Variants in TAB1 observed in about 807,000 individuals in gnomAD.
TAB1 encodes TGF-beta-activated kinase 1 and MAP3K7-binding protein 1.
In TAB1, 30 loss-of-function variants were observed where a neutral mutation model predicts 54.5. The ratio of observed to expected loss-of-function variants is 0.55; its 90% CI spans 0.41 to 0.75. The LOEUF (loss-of-function observed/expected upper bound fraction) is 0.75, where lower values mean the gene tolerates loss of function less well. TAB1 is among the 30% of genes least tolerant of loss of function. The pLI is 0.00. For synonymous variants in TAB1, 289 were observed against 286.9 expected, an observed-to-expected ratio of 1.01 and a Z score of -0.07; for missense variants, 609 against 683.2, an observed-to-expected ratio of 0.89 and a Z score of 1.21.
chr22:39,428,775 G>A (rs1440738416), intron 10 of TAB1, among the ~76,000 whole-genome samples: 2 of 152,228 alleles, frequency 1.3e-5, no homozygotes, highest in African/African-American at 4.8e-5. Context: ...GAATGATAGA[G>A]ATGCCACACC....
chr22:39,429,645 A>AT (rs977680559), intron 10 of TAB1, among the ~76,000 whole-genome samples: 2 of 151,600 alleles, frequency 1.3e-5, no homozygotes, highest in African/African-American at 2.4e-5. Flanking sequence ...GCCTGGGTAA[A>AT]TTTTTTTTGT....
At chr22:39,433,847 C>T, downstream of TAB1, 2 of 983,172 alleles carry the variant, frequency 2.0e-6, no homozygotes, top group Non-Finnish European at 2.4e-6. Flanking sequence ...AGCACAGATG[C>T]CCCCTCTGGA....
chr22:39,433,003 G>T (rs933165472), downstream of TAB1: 6 of 985,388 alleles, frequency 6.1e-6, no homozygotes, highest in Non-Finnish European at 6.0e-6. Flanking sequence ...CACTGCCACC[G>T]TCCACGTCCC....
intron 6 of TAB1, among the ~76,000 whole-genome samples, chr22:39,419,127 G>A (rs1926960889): frequency 6.6e-6 from 1 of 152,230 alleles, no homozygotes; most frequent in African/African-American, 2.4e-5. Context: ...TGGAGTGCCT[G>A]GCACACAGAA....
chr22:39,423,735 T>A lies in TAB1; in HGVS notation c.921+1764T>A, dbSNP rs1927193585. 2.6e-5 allele frequency among the ~76,000 whole-genome samples: 4 copies of A among 152,244 alleles called. No homozygotes were observed. The South Asian group carries it at 8.3e-4, about 32-fold the overall frequency. On this transcript the variant is annotated intron_variant, in intron 8 of 10. Transcript: ENST00000216160. Reference sequence around the variant, plus strand: ...AATTATGTAGTGGTGAATTCTGAGATCTTAGTAAACCAGTTATTCCAGTAG... The same window carrying A: ...AATTATGTAGTGGTGAATTCTGAGAACTTAGTAAACCAGTTATTCCAGTAG...
chr22:39,420,783 G>C (rs944731604), intron 7 of TAB1, among the ~76,000 whole-genome samples: 16 of 144,674 alleles, frequency 1.1e-4, no homozygotes, highest in African/African-American at 4.2e-4. Flanking sequence ...CTCTGTGTGT[G>C]TGTGTGTGTG....
intron 3 of TAB1, 56 bp from the exon 4 acceptor site, chr22:39,416,735 G>A: frequency 6.6e-7 from 1 of 1,519,218 alleles, no homozygotes; most frequent in Non-Finnish European, 9.1e-7. Flanking sequence ...GGACATTTTG[G>A]CACCAGTGAC....
chr22:39,434,367 G>A (rs145587004), downstream of TAB1, among the ~76,000 whole-genome samples: 2 of 152,376 alleles, frequency 1.3e-5, no homozygotes, highest in Middle Eastern at 3.4e-3. Context: ...CTTGGGCAGC[G>A]GGCGTGGTTC....
At position 39,430,081 on chromosome 22, in the gene TAB1, C is replaced by G. The variant is rs757969422; in HGVS notation, c.1374C>G (p.Asp458Glu). 2.5e-6 allele frequency: 4 copies of G among 1,614,016 alleles called. No individual in the cohort carries two copies. Among genetic ancestry groups the G allele is most frequent in the African/African-American group, 1.3e-5 (1 of 74,942 alleles). ...THTQSSSSSS[D>E]GGLFRSRPAH... is the part of the protein sequence containing the mutation. The stretch of plus-strand genomic sequence containing the variant: ...CGCAGAGCAGCAGCTCCAGCTCTGA[C>G]GGAGGCCTCTTCCGCTCCCGGCCCG... The change falls in exon 11 of 11, where the codon GAC becomes GAG. Residue 458 changes from aspartate to glutamate, a missense_variant. Physicochemically the swap from Asp to Glu is conservative, Grantham distance 45. Transcript: ENST00000216160.
intron 8 of TAB1, 34 bp downstream of exon 8, chr22:39,422,005 A>C (rs575620787): frequency 2.7e-6 from 4 of 1,493,864 alleles, no homozygotes; most frequent in Non-Finnish European, 1.8e-6. Flanking sequence ...ATGGCCGGAG[A>C]GCGTGGCTGG....
intron 1 of TAB1, among the ~76,000 whole-genome samples, chr22:39,414,565 C>T (rs62230571): frequency 6.6e-6 from 1 of 152,192 alleles, no homozygotes; most frequent in Non-Finnish European, 1.5e-5. Flanking sequence ...CGGGCCCTGC[C>T]CAGATCAGTC....
In TAB1 at chr22:39,430,623, C is replaced by T; in HGVS notation, c.*401C>T. 9.1e-7 allele frequency: 1 copy of T among 1,095,272 alleles called. No individual in the cohort carries two copies. Among genetic ancestry groups the T allele is most frequent in the Non-Finnish European group, 1.1e-6 (1 of 892,018 alleles). The allele number at this position is 1,095,272 out of a possible 1,614,324, so 67.8% of individuals were successfully genotyped here. A position where few individuals can be genotyped will look rare whatever the true frequency, so the allele number is the denominator to read the frequency against. On this transcript the variant is annotated 3_prime_UTR_variant, in exon 11 of 11. Coordinates refer to ENST00000216160, the MANE Select transcript of TAB1 (RefSeq NM_006116.3). The stretch of plus-strand genomic sequence containing the variant: ...ACCCTGCTGTCCCAAGCCCACCCCT[C>T]CTCCCACCATCACCTCCCTCACCTC...
At position 39,431,224 on chromosome 22, in the gene TAB1, G is replaced by T; in HGVS notation, c.*1002G>T. The T allele has an allele frequency of 1.0e-6, 1 of 985,606 alleles. No individual in the cohort carries two copies. Among genetic ancestry groups the T allele is most frequent in the Non-Finnish European group, 1.2e-6 (1 of 830,058 alleles). The allele number at this position is 985,606 out of a possible 1,614,324, so 61.1% of individuals were successfully genotyped here. ...AGTACCCTGGGAGGCATAGGAGAAG[G>T]GTCGGGCCAGCCCAGCCCAGGGCCT... On this transcript the variant is annotated 3_prime_UTR_variant, in exon 11 of 11. Transcript: ENST00000216160.
intron 1 of TAB1, among the ~76,000 whole-genome samples, 164 bp downstream of exon 1, chr22:39,399,999 G>A (rs1926060870): frequency 6.6e-6 from 1 of 152,214 alleles, no homozygotes. Context: ...CGTTCCCGAG[G>A]CCAGGGCGTG....
At position 39,415,917 on chromosome 22, in the gene TAB1, T is replaced by G. The variant is rs1926814047; in HGVS notation, c.324+264T>G. ...AGGGATGGGAGCTTGGAGAGAGGTGTGAGGTGGGAGCAGGGCAAGGCCTGG... is the reference window on the plus strand; with the variant it reads ...AGGGATGGGAGCTTGGAGAGAGGTGGGAGGTGGGAGCAGGGCAAGGCCTGG... On this transcript the variant is annotated intron_variant, in intron 3 of 10. Coordinates refer to ENST00000216160, the MANE Select transcript of TAB1 (RefSeq NM_006116.3). The surrounding 1 kb of genome is among the most constrained non-coding windows in gnomAD (Gnocchi z 4.9). Among the ~76,000 whole-genome samples, 1 of 151,944 alleles carries G rather than the reference T, an allele frequency of 6.6e-6. No homozygotes were observed. The highest frequency in any genetic ancestry group is 1.5e-5 in the Non-Finnish European group (1 of 67,962).
intron 8 of TAB1, among the ~76,000 whole-genome samples, chr22:39,422,483 A>G (rs1927139189): frequency 7.5e-6 from 1 of 133,450 alleles, no homozygotes; most frequent in Non-Finnish European, 1.5e-5. Flanking sequence ...ATCTCGGCTC[A>G]CTGCAATCTC....
chr22:39,436,662 C>G, downstream of TAB1: 2 of 1,056,818 alleles, frequency 1.9e-6, no homozygotes, highest in Non-Finnish European at 1.5e-6. Context: ...GGGATCTTCT[C>G]GTGCCAGGCC....
chr22:39,429,795 C>T (rs1306456288), intron 10 of TAB1: 31 of 984,586 alleles, frequency 3.1e-5, no homozygotes, highest in Non-Finnish European at 3.6e-5. Context: ...TTTTCTTTAC[C>T]TTTAGTTCAT....
chr22:39,410,932 C>T lies in TAB1; in HGVS notation c.34-4074C>T, dbSNP rs116281002. 5.9e-3 allele frequency among the ~76,000 whole-genome samples: 897 copies of T among 152,276 alleles called. 12 individuals are homozygous for T. Among genetic ancestry groups the T allele is most frequent in the African/African-American group, 0.02 (817 of 41,542 alleles). ...GAGCAAGAAGATAAGGAGACTCACA[C>T]TAGCCAATTTAAAGACTTACTATAA... On this transcript the variant is annotated intron_variant, in intron 1 of 10. Coordinates refer to ENST00000216160, the MANE Select transcript of TAB1 (RefSeq NM_006116.3).
Sources: allele counts gnomAD v4.1 joint callset (sites outside exome capture counted in the v4.1 genomes callset), GRCh38; gene constraint gnomAD v4.1.1; non-coding constraint Gnocchi (gnomAD v3.1); transcripts MANE v1.5; gene names NCBI Gene and HGNC (gene_info 2026-07-23, HGNC 2026-07-21).